FBLN1: variants seen among roughly 807,000 people sequenced by gnomAD.
FBLN1 encodes the protein fibulin 1.
FBLN1 carries 34 observed loss-of-function variants against 89.7 expected under a neutral mutation model. The ratio of observed to expected loss-of-function variants is 0.38; its 90% CI spans 0.29 to 0.50. FBLN1 has a LOEUF of 0.50. Among genes scored for constraint, FBLN1 ranks in the 20% least tolerant of loss-of-function variants. The pLI is 0.92. For synonymous variants in FBLN1, 393 were observed against 391.3 expected (o/e 1.00, Z -0.05); for missense variants, 777 against 988.1 (o/e 0.79, Z 2.86).
chr22:45,522,139 C>T (rs2088259939), intron 2 of FBLN1, among the ~76,000 whole-genome samples: 1 of 152,120 alleles, frequency 6.6e-6, no homozygotes, highest in African/African-American at 2.4e-5. Context: ...GTGCCTGTCA[C>T]CATGCGTGGC....
chr22:45,531,439 G>A lies in FBLN1; in HGVS notation c.544+115G>A. On this transcript the variant is annotated intron_variant, in intron 5 of 16. Transcript: ENST00000327858. This position sits in a 1 kb window ranked among gnomAD's most constrained non-coding sequence, Gnocchi z 4.9. ...GGAAGCCAAGGCAGGAGGATTCCTT[G>A]AGCCCAGGAGGTTGTGGCTGCAGTG... The A allele has an allele frequency of 1.1e-6, 1 of 883,432 alleles. No homozygotes were observed. The highest frequency in any genetic ancestry group is 1.9e-6 in the Non-Finnish European group (1 of 532,408). 54.7% of individuals were successfully genotyped at this position (883,432 alleles called of 1,614,324 possible). A position where few individuals can be genotyped will look rare whatever the true frequency, so the allele number is the denominator to read the frequency against.
At chr22:45,565,070 GC>G in intron 14 of FBLN1, 1 of 1,603,126 alleles carries the variant, frequency 6.2e-7, no homozygotes, top group South Asian at 1.1e-5. Context: ...GGGAGCATGA[GC>G]CCTTTTCCCC....
At chr22:45,521,997 T>C (rs1336062367) in intron 2 of FBLN1, among the ~76,000 whole-genome samples, 3 of 151,996 alleles carry the variant, frequency 2.0e-5, no homozygotes, top group African/African-American at 7.3e-5. Flanking sequence ...TTTTTTTTTT[T>C]CTTTTTGAGA....
intron 8 of FBLN1, among the ~76,000 whole-genome samples, chr22:45,539,744 G>A (rs2088530798): frequency 6.6e-6 from 1 of 152,234 alleles, no homozygotes; most frequent in Admixed American, 6.5e-5. Context: ...TTGATTTGCT[G>A]TCTGTTTATT....
At chr22:45,559,709 G>C (rs1029824769) in intron 14 of FBLN1, among the ~76,000 whole-genome samples, 2 of 152,134 alleles carry the variant, frequency 1.3e-5, no homozygotes, top group African/African-American at 4.8e-5. Flanking sequence ...TGACGTTTTG[G>C]GTCCCCTGGA....
chr22:45,597,787 T>C lies in FBLN1; in HGVS notation c.1973-2520T>C, dbSNP rs1488648833. 6.6e-6 allele frequency among the ~76,000 whole-genome samples: 1 copy of C among 152,204 alleles called. No homozygotes were observed. The highest frequency in any genetic ancestry group is 1.5e-5 in the Non-Finnish European group (1 of 68,034). On this transcript the variant is annotated intron_variant, in intron 16 of 16. Transcript: ENST00000327858. The surrounding 1 kb of genome is among the most constrained non-coding windows in gnomAD (Gnocchi z 4.2). ...CTGACAGCCTGCAGAAGCCTGTGCT[T>C]ATCTCTCCATCGGAGCTAAAGCCCA...
chr22:45,577,275 G>A lies in FBLN1; in HGVS notation c.1972+167G>A, dbSNP rs1034592600. On this transcript the variant is annotated intron_variant, in intron 16 of 16. Coordinates refer to ENST00000327858, the MANE Select transcript of FBLN1 (RefSeq NM_006486.3). This position sits in a 1 kb window ranked among gnomAD's most constrained non-coding sequence, Gnocchi z 6.6. ...CCACAGCTCCCAATCGGTCTCGGCCGGAGGAACAGCCAGAGTGGGGGATCC... is the reference window on the plus strand; with the variant it reads ...CCACAGCTCCCAATCGGTCTCGGCCAGAGGAACAGCCAGAGTGGGGGATCC... Among the ~76,000 whole-genome samples, 2 of 152,090 alleles carry A rather than the reference G, an allele frequency of 1.3e-5. No individual in the cohort carries two copies. Among genetic ancestry groups the A allele is most frequent in the African/African-American group, 2.4e-5 (1 of 41,400 alleles).
chr22:45,584,349 T>C (rs1312773636), intron 16 of FBLN1, among the ~76,000 whole-genome samples: 1 of 152,236 alleles, frequency 6.6e-6, no homozygotes, highest in Non-Finnish European at 1.5e-5. Flanking sequence ...CCACAGTTTA[T>C]GTTTTGAAAT....
chr22:45,573,839 G>T (rs944145952), intron 14 of FBLN1, among the ~76,000 whole-genome samples: 2 of 152,128 alleles, frequency 1.3e-5, no homozygotes, highest in African/African-American at 4.8e-5. Flanking sequence ...TGATTATAAA[G>T]GCGTTTGCCT....
chr22:45,517,575 T>C (rs1186341135), intron 1 of FBLN1: 1 of 471,200 alleles, frequency 2.1e-6, no homozygotes. Flanking sequence ...TCTGCCCTTT[T>C]TGCGAGTGGG....
chr22:45,541,447 C>A, intron 9 of FBLN1, 75 bp downstream of exon 9: 1 of 1,580,672 alleles, frequency 6.3e-7, no homozygotes. Context: ...TCTCTGGAAG[C>A]AGAAAGTTGA....
In FBLN1 at chr22:45,537,929, C is replaced by T. The variant is rs562541166; in HGVS notation, c.922+2592C>T. Among the ~76,000 whole-genome samples the T allele has an allele frequency of 6.6e-6, 1 of 152,296 alleles. No individual in the cohort carries two copies. Among genetic ancestry groups the T allele is most frequent in the African/African-American group, 2.4e-5 (1 of 41,562 alleles). On this transcript the variant is annotated intron_variant, in intron 8 of 16. Transcript: ENST00000327858. The surrounding 1 kb of genome is among the most constrained non-coding windows in gnomAD (Gnocchi z 5.7). ...CAAAGGGGGGTCCGGAGGAGGCTGG[C>T]GTCGACTGAGGATGGAAACCCTGAC...
At chr22:45,511,035 A>G (rs1015434569) in intron 1 of FBLN1, among the ~76,000 whole-genome samples, 1 of 152,186 alleles carries the variant, frequency 6.6e-6, no homozygotes, top group Non-Finnish European at 1.5e-5. Context: ...TTGAAAAAGA[A>G]TGTTCTCCCA....
At chr22:45,521,236 A>G (rs539800472) in intron 2 of FBLN1, among the ~76,000 whole-genome samples, 1 of 152,346 alleles carries the variant, frequency 6.6e-6, no homozygotes, top group East Asian at 1.9e-4. Context: ...AATGGCTGAG[A>G]GGGCATTCCT....
intron 14 of FBLN1, among the ~76,000 whole-genome samples, chr22:45,567,642 C>T (rs2088910764): frequency 6.6e-6 from 1 of 151,992 alleles, no homozygotes; most frequent in African/African-American, 2.4e-5. Context: ...AAACGTGTAG[C>T]GTAGAGACTG....
In FBLN1 at chr22:45,531,172, C is replaced by T; in HGVS notation, c.485-93C>T. On this transcript the variant is annotated intron_variant, in intron 4 of 16. Transcript: ENST00000327858. This position sits in a 1 kb window ranked among gnomAD's most constrained non-coding sequence, Gnocchi z 4.9. ...AAGATGTTCAAATGGGCATTACTGCCTGATAGTGACAAGAAGAGAGAATGT... is the reference window on the plus strand; with the variant it reads ...AAGATGTTCAAATGGGCATTACTGCTTGATAGTGACAAGAAGAGAGAATGT... 4 of 1,091,070 alleles carry T rather than the reference C, an allele frequency of 3.7e-6. No homozygotes were observed. The Admixed American group carries it at 6.8e-5, about 18-fold the overall frequency. The allele number at this position is 1,091,070 out of a possible 1,614,324, so 67.6% of individuals were successfully genotyped here.
At chr22:45,529,573 A>G (rs558920243) in intron 4 of FBLN1, among the ~76,000 whole-genome samples, 1 of 152,310 alleles carries the variant, frequency 6.6e-6, no homozygotes, top group South Asian at 2.1e-4. Context: ...TTAAAAAATA[A>G]AAGAGGTGTG....
At chr22:45,519,480 T>C (rs2088218554) in intron 2 of FBLN1, among the ~76,000 whole-genome samples, 2 of 151,580 alleles carry the variant, frequency 1.3e-5, no homozygotes, top group African/African-American at 2.4e-5. Flanking sequence ...AAAAATTAGC[T>C]GGGCGTGGTG....
intron 14 of FBLN1, among the ~76,000 whole-genome samples, chr22:45,568,603 T>TCTGTAGGAGAATGCTC (rs2088921894): frequency 3.4e-5 from 1 of 29,478 alleles, no homozygotes; most frequent in African/African-American, 1.2e-4. Flanking sequence ...GAATGCTCCT[T>TCTGTAGGAGAATGCTC]CTGTAAGGGA....
Sources: gnomAD v4.1 joint callset for allele counts (sites outside exome capture counted in the v4.1 genomes callset) on GRCh38, gnomAD v4.1.1 for gene constraint, Gnocchi (gnomAD v3.1) non-coding constraint, MANE v1.5 for transcripts, NCBI Gene and HGNC (gene_info 2026-07-23, HGNC 2026-07-21) for gene names.